Variants in ADAMTS16 observed in about 807,000 individuals in gnomAD.
ADAMTS16 encodes ADAM metallopeptidase with thrombospondin type 1 motif 16, also known as A disintegrin and metalloproteinase with thrombospondin motifs 16.
ADAMTS16 carries 94 observed loss-of-function variants against 145.8 expected under a neutral mutation model. The ratio of observed to expected loss-of-function variants is 0.64; its 90% CI spans 0.55 to 0.77. The LOEUF (loss-of-function observed/expected upper bound fraction) is 0.77. ADAMTS16 is among the 30% of genes least tolerant of loss of function. ADAMTS16 has a pLI of 0.00. For synonymous variants in ADAMTS16, 659 were observed against 604.3 expected (o/e 1.09, Z -1.33); for missense variants, 1,585 against 1,591.5 (o/e 1.00, Z 0.07).
At chr5:5,305,813 C>A (rs951009051) in intron 20 of ADAMTS16, among the ~76,000 whole-genome samples, 4 of 152,208 alleles carry the variant, frequency 2.6e-5, no homozygotes, top group Non-Finnish European at 5.9e-5. Flanking sequence ...ACGCCAGGGG[C>A]CGGGACCTCT....
At chr5:5,164,376 G>C (rs1434146409) in intron 3 of ADAMTS16, among the ~76,000 whole-genome samples, 1 of 152,216 alleles carries the variant, frequency 6.6e-6, no homozygotes. Flanking sequence ...AAGTCAAGGG[G>C]AGCGAGTTTG....
intron 5 of ADAMTS16, among the ~76,000 whole-genome samples, chr5:5,187,355 G>A (rs901603296): frequency 6.6e-6 from 1 of 151,614 alleles, no homozygotes; most frequent in Admixed American, 6.6e-5. Flanking sequence ...GTATCCTCTT[G>A]GAATCCCATA....
chr5:5,293,704 G>C (rs1342877053), intron 18 of ADAMTS16, among the ~76,000 whole-genome samples: 2 of 152,206 alleles, frequency 1.3e-5, no homozygotes, highest in East Asian at 3.9e-4. Flanking sequence ...TTACTATATT[G>C]CTGAGGCAGG....
chr5:5,178,659 A>G (rs1735258669), intron 3 of ADAMTS16, among the ~76,000 whole-genome samples: 1 of 152,242 alleles, frequency 6.6e-6, no homozygotes, highest in Admixed American at 6.5e-5. Flanking sequence ...TAATGAAACA[A>G]GTATAATGCT....
intron 14 of ADAMTS16, among the ~76,000 whole-genome samples, chr5:5,237,704 G>A (rs375311361): frequency 1.1e-3 from 162 of 152,238 alleles, no homozygotes; most frequent in African/African-American, 3.6e-3. Flanking sequence ...GTGGGTGAGA[G>A]CCTGGGCCAC....
At chr5:5,244,531 A>T (rs1737384281) in intron 17 of ADAMTS16, among the ~76,000 whole-genome samples, 1 of 152,158 alleles carries the variant, frequency 6.6e-6, no homozygotes, top group African/African-American at 2.4e-5. Context: ...CATGTCTGTG[A>T]AGTTTAAAGA....
At chr5:5,222,086 G>T (rs1015318852) in intron 10 of ADAMTS16, among the ~76,000 whole-genome samples, 1 of 152,210 alleles carries the variant, frequency 6.6e-6, no homozygotes, top group African/African-American at 2.4e-5. Context: ...TTTGGACTCA[G>T]TAAAAACAAT....
chr5:5,140,825 G>T (rs1366614522), intron 2 of ADAMTS16, 59 bp downstream of exon 2: 4 of 1,464,852 alleles, frequency 2.7e-6, no homozygotes, highest in Non-Finnish European at 2.7e-6. Context: ...TAATCTCCGT[G>T]CCGCTGGTTT....
At chr5:5,250,707 CTCTGTG>C (rs1171324166) in intron 17 of ADAMTS16, among the ~76,000 whole-genome samples, 5,471 of 148,432 alleles carry the variant, frequency 0.037, 315 homozygotes, top group African/African-American at 0.12. Context: ...TGTCTCTTCT[CTCTGTG>C]TGTGTGTGTG....
At chr5:5,211,363 T>C (rs1179029401) in intron 10 of ADAMTS16, among the ~76,000 whole-genome samples, 2 of 152,196 alleles carry the variant, frequency 1.3e-5, no homozygotes, top group African/African-American at 2.4e-5. Flanking sequence ...TGAATGGTTA[T>C]GAATTCCTTT....
chr5:5,209,920 A>C (rs1244934662), intron 10 of ADAMTS16, among the ~76,000 whole-genome samples: 1 of 152,156 alleles, frequency 6.6e-6, no homozygotes, highest in Non-Finnish European at 1.5e-5. Context: ...ATCAAGAAGA[A>C]ATTAGAGAAA....
At chr5:5,232,566 T>C (rs757398291) in intron 12 of ADAMTS16, 50 bp downstream of exon 12, 2 of 1,580,874 alleles carry the variant, frequency 1.3e-6, no homozygotes, top group Admixed American at 1.7e-5. Flanking sequence ...TTCCATGCCA[T>C]GAACCCTCCA....
At chr5:5,170,452 C>G (rs2126541376) in intron 3 of ADAMTS16, among the ~76,000 whole-genome samples, 1 of 152,210 alleles carries the variant, frequency 6.6e-6, no homozygotes, top group East Asian at 1.9e-4. Flanking sequence ...GATCTCGGCT[C>G]GTGGAAACCT....
intron 16 of ADAMTS16, 100 bp from the exon 17 acceptor site, chr5:5,241,948 CTTCTT>C: frequency 4.5e-6 from 6 of 1,340,914 alleles, no homozygotes; most frequent in Non-Finnish European, 6.1e-6. Flanking sequence ...TCATAACAAA[CTTCTT>C]GTTGATTGAT....
chr5:5,206,438 A>AAAG (rs1736120989), intron 9 of ADAMTS16, among the ~76,000 whole-genome samples: 1 of 148,788 alleles, frequency 6.7e-6, no homozygotes, highest in Non-Finnish European at 1.5e-5. Context: ...AAAAAAAAAA[A>AAAG]AAAAAAAAAG....
At chr5:5,278,211 C>G (rs1193876953) in intron 18 of ADAMTS16, among the ~76,000 whole-genome samples, 3 of 152,164 alleles carry the variant, frequency 2.0e-5, no homozygotes, top group Non-Finnish European at 2.9e-5. Flanking sequence ...CATCTCCAAC[C>G]TCAATGACCC....
At position 5,232,506 on chromosome 5, in the gene ADAMTS16, A is replaced by G. The variant is rs1440277974; in HGVS notation, c.1840A>G (p.Thr614Ala). 1 of 1,612,830 alleles carries G rather than the reference A, an allele frequency of 6.2e-7. No individual in the cohort carries two copies. Among genetic ancestry groups the G allele is most frequent in the East Asian group, 2.2e-5 (1 of 44,852 alleles). Residue 614 changes from threonine (T) to alanine (A), a missense_variant, in exon 12 of 23, where the codon ACC becomes GCC. This residue lies in a region of ADAMTS16 where 834 missense variants were observed against 811.7 expected (regional missense o/e 1.03). Transcript: ENST00000274181. ...AGTATCTCATAGGAGTCGCCTCTGC[A>G]CCAACCCCAAGTAAGTATGCCTTGA... ...GGVSHRSRLC[T>A]NPKPSHGGKF...
At chr5:5,246,031 C>T (rs979442028) in intron 17 of ADAMTS16, among the ~76,000 whole-genome samples, 1 of 152,204 alleles carries the variant, frequency 6.6e-6, no homozygotes, top group African/African-American at 2.4e-5. Context: ...CTTATTGTGT[C>T]TGTCTCTGAG....
intron 3 of ADAMTS16, among the ~76,000 whole-genome samples, chr5:5,178,821 G>A (rs769676517): frequency 3.9e-5 from 6 of 152,040 alleles, no homozygotes; most frequent in Non-Finnish European, 5.9e-5. Context: ...CAGCTGTGTT[G>A]GATCACAAGC....
Sources: allele counts gnomAD v4.1 joint callset (sites outside exome capture counted in the v4.1 genomes callset), GRCh38; gene constraint gnomAD v4.1.1; regional missense constraint gnomAD v4.1.1; transcripts MANE v1.5; gene names NCBI Gene and HGNC (gene_info 2026-07-23, HGNC 2026-07-21).